The following UBP1 variants were observed in gnomAD, a reference collection of about 807,000 sequenced individuals.
UBP1 encodes upstream-binding protein 1.
A neutral mutation model predicts 76.1 loss-of-function variants in UBP1; 22 were observed. The observed-to-expected ratio is 0.29, with a 90% CI of 0.21 to 0.41. The LOEUF is 0.41. UBP1 is among the 10% of genes least tolerant of loss of function. The pLI is 1.00. For missense variants in UBP1, 436 were observed against 668.1 expected (o/e 0.65, Z 3.83); for synonymous variants, 224 against 237.1 (o/e 0.94, Z 0.51).
At chr3:33,404,045 G>C (rs1402393444) in intron 8 of UBP1, among the ~76,000 whole-genome samples, 2 of 152,184 alleles carry the variant, frequency 1.3e-5, no homozygotes, top group Non-Finnish European at 2.9e-5. Context: ...AGGATAGCTT[G>C]AGCCCAGGAG....
Position 33,400,168 on chromosome 3 carries a change from TAC to T in UBP1, c.1180+19_1180+20del, listed in dbSNP as rs774106895. On this transcript the variant is annotated intron_variant, in intron 11 of 15. Coordinates refer to ENST00000283629, the MANE Select transcript of UBP1 (RefSeq NM_014517.5). ...AAAACAAAACATTCTCATGCACAGA[TAC>T]ACACACACATACACATACCTGAAAA... The T allele has an allele frequency of 8.0e-5, 115 of 1,443,350 alleles. No homozygotes were observed. The highest frequency in any genetic ancestry group is 6.4e-4 in the East Asian group (25 of 39,306). The allele number at this position is 1,443,350 out of a possible 1,614,324, so 89.4% of individuals were successfully genotyped here.
At chr3:33,420,894 G>A (rs1269668500) in intron 2 of UBP1, among the ~76,000 whole-genome samples, 1 of 152,180 alleles carries the variant, frequency 6.6e-6, no homozygotes, top group Non-Finnish European at 1.5e-5. Context: ...AAAATGCTGG[G>A]ATTACAGGTG....
intron 1 of UBP1, among the ~76,000 whole-genome samples, chr3:33,426,674 T>C (rs1323421678): frequency 1.3e-5 from 2 of 152,214 alleles, no homozygotes; most frequent in African/African-American, 4.8e-5. Flanking sequence ...TTAAATGGAA[T>C]CATATGACTA....
chr3:33,415,118 T>C (rs145733118), intron 3 of UBP1, among the ~76,000 whole-genome samples: 1 of 152,360 alleles, frequency 6.6e-6, no homozygotes, highest in African/African-American at 2.4e-5. Context: ...CCCAAGTTAA[T>C]CTGACAGGTA....
In UBP1 at chr3:33,439,602, C is replaced by T. The variant is rs982528172; in HGVS notation, c.113+134G>A. On this transcript the variant is annotated intron_variant, in intron 1 of 15. Coordinates refer to ENST00000283629, the MANE Select transcript of UBP1 (RefSeq NM_014517.5). ...GGGGTTCCATGGCCCCCGACCGCCACGCGGCAGGACTCCGACCCCGCAGCC... is the reference window on the plus strand; with the variant it reads ...GGGGTTCCATGGCCCCCGACCGCCATGCGGCAGGACTCCGACCCCGCAGCC... 2.2e-5 allele frequency: 21 copies of T among 941,546 alleles called. No homozygotes were observed. In the African/African-American group the frequency reaches 3.5e-4, roughly 16 times the overall value. The allele number at this position is 941,546 out of a possible 1,614,324, so 58.3% of individuals were successfully genotyped here.
intron 8 of UBP1, among the ~76,000 whole-genome samples, chr3:33,405,977 C>A (rs746989578): frequency 1.1e-4 from 17 of 152,148 alleles, no homozygotes; most frequent in Non-Finnish European, 2.1e-4. Flanking sequence ...AAAATGATTG[C>A]AGACTTATTA....
At chr3:33,427,765 C>T (rs922410692) in intron 1 of UBP1, among the ~76,000 whole-genome samples, 1 of 152,248 alleles carries the variant, frequency 6.6e-6, no homozygotes, top group Non-Finnish European at 1.5e-5. Context: ...AACACTCCTA[C>T]GTACACAAGT....
At chr3:33,439,401 A>G (rs1321936145) in intron 1 of UBP1, among the ~76,000 whole-genome samples, 1 of 152,234 alleles carries the variant, frequency 6.6e-6, no homozygotes, top group Admixed American at 6.5e-5. Context: ...TCTAGCTCCA[A>G]TGGGACTTGT....
intron 9 of UBP1, among the ~76,000 whole-genome samples, chr3:33,401,492 G>A (rs1472048446): frequency 6.6e-6 from 1 of 152,138 alleles, no homozygotes; most frequent in Non-Finnish European, 1.5e-5. Context: ...ATTGATGAGG[G>A]TGAATTTCAA....
chr3:33,419,776 C>T (rs890449746), intron 2 of UBP1, among the ~76,000 whole-genome samples: 13 of 151,930 alleles, frequency 8.6e-5, no homozygotes, highest in African/African-American at 3.1e-4. Context: ...CTAATTTGTC[C>T]CCAATCCATA....
chr3:33,411,729 A>G (rs1559681024), intron 4 of UBP1, 42 bp from the exon 5 acceptor site: 1 of 1,517,254 alleles, frequency 6.6e-7, no homozygotes. Context: ...TCCACTTTAA[A>G]TAACTTAAAA....
chr3:33,422,045 AAAAT>A (rs1226067974), intron 2 of UBP1, among the ~76,000 whole-genome samples: 4 of 152,206 alleles, frequency 2.6e-5, no homozygotes, highest in African/African-American at 7.2e-5. Flanking sequence ...CCTGTCTCAA[AAAAT>A]AAATAAATAA....
intron 1 of UBP1, among the ~76,000 whole-genome samples, chr3:33,428,981 C>G (rs1164281509): frequency 1.3e-5 from 2 of 152,144 alleles, no homozygotes; most frequent in Admixed American, 6.5e-5. Flanking sequence ...CACTGGAGTC[C>G]TCCCACCCAC....
intron 15 of UBP1, 62 bp downstream of exon 15, chr3:33,392,497 CTAAT>C (rs2043808159): frequency 1.5e-6 from 2 of 1,368,454 alleles, no homozygotes; most frequent in South Asian, 2.6e-5. Context: ...ACGAGAGGCA[CTAAT>C]TAGAGGCACA....
At chr3:33,425,100 C>A (rs754952871) in intron 2 of UBP1, among the ~76,000 whole-genome samples, 6 of 151,934 alleles carry the variant, frequency 3.9e-5, no homozygotes. Context: ...TCCCCACCAA[C>A]CCTTTCATAT....
At chr3:33,410,642 AAATTT>A (rs2044557827) in intron 5 of UBP1, among the ~76,000 whole-genome samples, 1 of 152,246 alleles carries the variant, frequency 6.6e-6, no homozygotes, top group South Asian at 2.1e-4. Flanking sequence ...CACCACATAC[AAATTT>A]GAACATTGTG....
chr3:33,427,655 T>C (rs1213861185), intron 1 of UBP1, among the ~76,000 whole-genome samples: 1 of 152,214 alleles, frequency 6.6e-6, no homozygotes, highest in Non-Finnish European at 1.5e-5. Flanking sequence ...CAGTAGTCCC[T>C]ACTCCCCCCA....
intron 1 of UBP1, among the ~76,000 whole-genome samples, chr3:33,435,766 G>A (rs1460870832): frequency 6.6e-6 from 1 of 152,184 alleles, no homozygotes; most frequent in Non-Finnish European, 1.5e-5. Flanking sequence ...ATACTGAATG[G>A]GAACTATGGC....
chr3:33,439,252 C>G (rs564954794), intron 1 of UBP1, among the ~76,000 whole-genome samples: 2 of 152,336 alleles, frequency 1.3e-5, no homozygotes, highest in South Asian at 2.1e-4. Flanking sequence ...GCTGCTCTTT[C>G]AATTATAATT....
Sources: allele counts gnomAD v4.1 joint callset (sites outside exome capture counted in the v4.1 genomes callset), GRCh38; gene constraint gnomAD v4.1.1; transcripts MANE v1.5; gene names NCBI Gene and HGNC (gene_info 2026-07-23, HGNC 2026-07-21).